WASF1: variants seen among roughly 807,000 people sequenced by gnomAD.
WASF1 encodes WASP family member 1, also known as actin-binding protein WASF1.
Under a neutral mutation model 50.5 loss-of-function variants are expected in WASF1, and 7 were observed. That is an observed-to-expected ratio of 0.14 (90% CI 0.08 to 0.26). The LOEUF (loss-of-function observed/expected upper bound fraction) is 0.26. WASF1 is among the 10% of genes least tolerant of loss of function. The pLI is 1.00. For synonymous variants in WASF1, 205 were observed against 244.0 expected, an observed-to-expected ratio of 0.84 and a Z score of 1.49; for missense variants, 470 against 694.7, an observed-to-expected ratio of 0.68 and a Z score of 3.64.
At chr6:110,124,408 T>A (rs952476126) in intron 4 of WASF1, among the ~76,000 whole-genome samples, 3 of 149,436 alleles carry the variant, frequency 2.0e-5, no homozygotes, top group Non-Finnish European at 4.4e-5. Flanking sequence ...TCTACTCCAT[T>A]CACTCTTAGA....
At chr6:110,129,772 A>G (rs1474309532) in intron 3 of WASF1, among the ~76,000 whole-genome samples, 1 of 152,368 alleles carries the variant, frequency 6.6e-6, no homozygotes, top group Admixed American at 6.5e-5. Context: ...TGATTCCAAT[A>G]TCTTCAATGA....
intron 2 of WASF1, among the ~76,000 whole-genome samples, chr6:110,174,730 T>C (rs1400608160): frequency 2.6e-5 from 4 of 152,184 alleles, no homozygotes; most frequent in East Asian, 1.9e-4. Context: ...ATGTCACTTC[T>C]TTTCCTTTTG....
intron 4 of WASF1, among the ~76,000 whole-genome samples, chr6:110,125,813 G>C (rs1156246328): frequency 2.0e-5 from 3 of 152,080 alleles, no homozygotes; most frequent in Non-Finnish European, 4.4e-5. Context: ...ATTGTTACAA[G>C]GTATTTATAA....
intron 3 of WASF1, among the ~76,000 whole-genome samples, chr6:110,142,080 G>A (rs957614922): frequency 6.6e-6 from 1 of 152,108 alleles, no homozygotes; most frequent in Non-Finnish European, 1.5e-5. Flanking sequence ...TTTTGTATGT[G>A]CATGGAAAAG....
At chr6:110,143,723 A>G (rs1454724874) in intron 3 of WASF1, among the ~76,000 whole-genome samples, 1 of 152,220 alleles carries the variant, frequency 6.6e-6, no homozygotes, top group Non-Finnish European at 1.5e-5. Context: ...GTATTTTATT[A>G]CCTAATCAAT....
At chr6:110,133,067 T>A (rs1477296665) in intron 3 of WASF1, among the ~76,000 whole-genome samples, 1 of 151,816 alleles carries the variant, frequency 6.6e-6, no homozygotes, top group African/African-American at 2.4e-5. Context: ...AGACTATGAC[T>A]GTATGTAAGG....
chr6:110,102,068 G>C lies in WASF1; in HGVS notation c.1042C>G (p.Pro348Ala). Residue 348 changes from proline (P) to alanine (A), a missense_variant, in exon 10 of 11, where the codon CCT becomes GCT. Physicochemically the swap from Pro to Ala is conservative, Grantham distance 27. Around this residue, in one of 3 missense-constraint regions of WASF1, gnomAD observed 294 missense variants for 343.5 expected, o/e 0.86. Transcript: ENST00000392589. ...GGTGGGGGAGGTACTGGAGGGGGAG[G>C]AGTTGAAGTCATTGAAGCTCTTAAT... is the stretch of plus-strand genomic sequence containing the variant. ...SSLRASMTST[P>A]PPPVPPPPPP... The C allele has an allele frequency of 6.6e-7, 1 of 1,514,564 alleles. No individual in the cohort carries two copies. Among genetic ancestry groups the C allele is most frequent in the Non-Finnish European group, 8.8e-7 (1 of 1,132,706 alleles). The allele number at this position is 1,514,564 out of a possible 1,614,324, so 93.8% of individuals were successfully genotyped here.
At chr6:110,172,758 A>G (rs544094193) in intron 2 of WASF1, among the ~76,000 whole-genome samples, 1 of 152,258 alleles carries the variant, frequency 6.6e-6, no homozygotes, top group African/African-American at 2.4e-5. Flanking sequence ...AAAGAGTGGA[A>G]TAATAGATAA....
chr6:110,126,470 A>T, intron 4 of WASF1, among the ~76,000 whole-genome samples: 1 of 152,248 alleles, frequency 6.6e-6, no homozygotes, highest in Middle Eastern at 3.2e-3. Flanking sequence ...CGCTACAGGT[A>T]TGCCTAAACT....
chr6:110,115,758 T>C (rs1444896353), intron 4 of WASF1, among the ~76,000 whole-genome samples: 3 of 152,196 alleles, frequency 2.0e-5, no homozygotes, highest in Admixed American at 6.5e-5. Flanking sequence ...ATAGTTATTA[T>C]TGAAAAAGCC....
chr6:110,133,504 T>C (rs1420126435), intron 3 of WASF1, among the ~76,000 whole-genome samples: 2 of 152,190 alleles, frequency 1.3e-5, no homozygotes, highest in African/African-American at 2.4e-5. Context: ...ACATTCCCAC[T>C]AGCAGTGTGA....
rs1353893492 is a variant in WASF1, at chr6:110,160,745, G to T, written c.-126-13C>A. 1 of 151,632 alleles carries T rather than the reference G, an allele frequency of 6.6e-6. No individual in the cohort carries two copies. The highest frequency in any genetic ancestry group is 2.4e-5 in the African/African-American group (1 of 41,356). 9.4% of individuals were successfully genotyped at this position (151,632 alleles called of 1,614,324 possible). On this transcript the variant is annotated splice_polypyrimidine_tract_variant and intron_variant, in intron 2 of 10. Transcript: ENST00000392589. ...GATTTCTCCAACACTGTTTAAAATTGAGAACAAAAATAATATCCAACATTT... is the reference window on the plus strand; with the variant it reads ...GATTTCTCCAACACTGTTTAAAATTTAGAACAAAAATAATATCCAACATTT...
At chr6:110,141,960 C>G (rs571599380) in intron 3 of WASF1, among the ~76,000 whole-genome samples, 1 of 152,042 alleles carries the variant, frequency 6.6e-6, no homozygotes, top group African/African-American at 2.4e-5. Context: ...TTAGTAGAGA[C>G]AGGGTTTCAC....
At position 110,101,989 on chromosome 6, in the gene WASF1, G is replaced by T; in HGVS notation, c.1121C>A (p.Pro374His). 6.3e-7 allele frequency: 1 copy of T among 1,583,360 alleles called. No homozygotes were observed. Among genetic ancestry groups the T allele is most frequent in the Admixed American group, 1.7e-5 (1 of 57,496 alleles). Residue 374 changes from proline (P) to histidine (H), a missense_variant, in exon 10 of 11, where the codon CCT becomes CAT. This residue lies in a region of WASF1 where 294 missense variants were observed against 343.5 expected (regional missense o/e 0.86). Transcript: ENST00000392589. ...QAPAVPPPPA[P>H]LQIAPGVLHP... is the part of the protein sequence containing the mutation. The stretch of plus-strand genomic sequence containing the variant: ...AAGAACTCCAGGGGCAATCTGAAGA[G>T]GAGCTGGAGGTGGTGGTACTGCTGG...
intron 9 of WASF1, 148 bp from the exon 10 acceptor site, chr6:110,102,364 T>C: frequency 1.3e-6 from 1 of 798,338 alleles, no homozygotes; most frequent in Non-Finnish European, 1.7e-6. Context: ...TCTTCAACAG[T>C]ATTTAGAAAA....
intron 4 of WASF1, among the ~76,000 whole-genome samples, chr6:110,113,750 T>C (rs1162764388): frequency 1.3e-5 from 2 of 152,116 alleles, no homozygotes; most frequent in Non-Finnish European, 1.5e-5. Flanking sequence ...TTGAAAAAAC[T>C]TGCAGATGAA....
At chr6:110,153,656 C>T (rs1027140224) in intron 3 of WASF1, among the ~76,000 whole-genome samples, 1 of 152,026 alleles carries the variant, frequency 6.6e-6, no homozygotes, top group African/African-American at 2.4e-5. Flanking sequence ...TCTGTAATCC[C>T]ACTTTGGGAG....
chr6:110,129,433 A>C (rs1774562050), intron 3 of WASF1, among the ~76,000 whole-genome samples: 1 of 152,234 alleles, frequency 6.6e-6, no homozygotes, highest in South Asian at 2.1e-4. Context: ...CTAGATATGC[A>C]GCCTGAGGAA....
At chr6:110,173,041 G>T (rs1314465091) in intron 2 of WASF1, among the ~76,000 whole-genome samples, 1 of 152,086 alleles carries the variant, frequency 6.6e-6, no homozygotes, top group Admixed American at 6.6e-5. Context: ...GCACATGCAT[G>T]TTATAAAAAT....
Sources: gnomAD v4.1 joint callset for allele counts (sites outside exome capture counted in the v4.1 genomes callset) on GRCh38, gnomAD v4.1.1 for gene constraint, gnomAD v4.1.1 regional missense constraint, MANE v1.5 for transcripts, NCBI Gene and HGNC (gene_info 2026-07-23, HGNC 2026-07-21) for gene names.